The following ASAP2 variants were observed in gnomAD, a reference collection of about 807,000 sequenced individuals.
ASAP2 encodes the protein arf-GAP with SH3 domain, ANK repeat and PH domain-containing protein 2.
ASAP2 carries 45 observed loss-of-function variants against 131.4 expected under a neutral mutation model. That is an observed-to-expected ratio of 0.34 (90% CI 0.27 to 0.44). The LOEUF is 0.44. Ranked by LOEUF, ASAP2 falls within the 20% of genes least tolerant of loss-of-function variation. The probability of loss-of-function intolerance (pLI) is 1.00; values close to 1 mark genes in which losing one functional copy is unlikely to be tolerated. For synonymous variants in ASAP2, 510 were observed against 503.0 expected (o/e 1.01, Z -0.19); for missense variants, 1,011 against 1,297.0 (o/e 0.78, Z 3.39).
At chr2:9,221,704 T>G (rs536485541) in intron 1 of ASAP2, among the ~76,000 whole-genome samples, 1 of 152,366 alleles carries the variant, frequency 6.6e-6, no homozygotes, top group South Asian at 2.1e-4. Flanking sequence ...TGTATTTGTA[T>G]GTGTATTCCT....
At chr2:9,399,606 G>A in intron 24 of ASAP2, 1 of 213,242 alleles carries the variant, frequency 4.7e-6, no homozygotes, top group Admixed American at 5.2e-5. Flanking sequence ...GGCATGGACA[G>A]CGCTGACCCA....
intron 1 of ASAP2, among the ~76,000 whole-genome samples, chr2:9,270,785 A>ATTTTTTTTTTTTCTTTTTTTTTTTTTT (rs1666302601): frequency 1.9e-5 from 1 of 52,924 alleles, no homozygotes; most frequent in Non-Finnish European, 3.5e-5. Flanking sequence ...AATTGTTTTC[A>ATTTTTTTTTTTTCTTTTTTTTTTTTTT]TTTTTTTTTT....
At chr2:9,276,053 C>T (rs763350701) in intron 1 of ASAP2, among the ~76,000 whole-genome samples, 1 of 152,140 alleles carries the variant, frequency 6.6e-6, no homozygotes, top group Non-Finnish European at 1.5e-5. Context: ...CTGTTTTCAT[C>T]GTTAATTTGT....
In ASAP2 at chr2:9,393,535, G is replaced by A; in HGVS notation, c.2572G>A (p.Glu858Lys). 1 of 1,601,582 alleles carries A rather than the reference G, an allele frequency of 6.2e-7. No individual in the cohort carries two copies. The change falls in exon 24 of 28, where the codon GAA becomes AAA. Residue 858 changes from glutamate (E) to lysine (K), a missense_variant. Glu to Lys is a moderately conservative substitution (Grantham distance 56, BLOSUM62 1). This residue lies in a region of ASAP2 where 652 missense variants were observed against 698.9 expected (regional missense o/e 0.93). Transcript: ENST00000281419. ...CGTTGCCAAGACGCCCAGCGTAATG[G>A]AAGCCTTGAGCCAGCCGAGCAAGCC... Reference protein sequence around the residue: ...PPVAKTPSVMEALSQPSKPAP... With the variant: ...PPVAKTPSVMKALSQPSKPAP...
At chr2:9,293,725 G>C (rs1260871562) in intron 2 of ASAP2, among the ~76,000 whole-genome samples, 1 of 152,120 alleles carries the variant, frequency 6.6e-6, no homozygotes, top group Admixed American at 6.5e-5. Flanking sequence ...AGGAAGACAC[G>C]GGGCTTATGG....
intron 15 of ASAP2, among the ~76,000 whole-genome samples, chr2:9,367,622 G>A (rs377301065): frequency 4.6e-5 from 7 of 152,054 alleles, no homozygotes; most frequent in African/African-American, 1.4e-4. Flanking sequence ...TCAGCTGGGC[G>A]TGGTGGCGTG....
intron 1 of ASAP2, among the ~76,000 whole-genome samples, chr2:9,241,793 G>A (rs1193409473): frequency 6.6e-6 from 1 of 152,216 alleles, no homozygotes; most frequent in African/African-American, 2.4e-5. Context: ...AGGAAAGCGA[G>A]GAGAAGGAAA....
chr2:9,347,832 T>C (rs1672068791), intron 11 of ASAP2, among the ~76,000 whole-genome samples: 2 of 152,124 alleles, frequency 1.3e-5, no homozygotes, highest in African/African-American at 4.8e-5. Flanking sequence ...TTACACAATC[T>C]AAAATTTTAA....
At chr2:9,271,356 G>A (rs1390578625) in intron 1 of ASAP2, 26 of 1,199,786 alleles carry the variant, frequency 2.2e-5, no homozygotes, top group Non-Finnish European at 3.2e-5. Flanking sequence ...CATAATATAT[G>A]TTCTTGCACC....
chr2:9,290,693 C>G (rs1363376369), intron 2 of ASAP2, among the ~76,000 whole-genome samples: 1 of 152,208 alleles, frequency 6.6e-6, no homozygotes, highest in Non-Finnish European at 1.5e-5. Context: ...TTGAGCCTGG[C>G]AGGATCTCAG....
chr2:9,300,538 T>C (rs934582488), intron 3 of ASAP2, among the ~76,000 whole-genome samples: 4 of 152,264 alleles, frequency 2.6e-5, no homozygotes, highest in Admixed American at 2.6e-4. Flanking sequence ...TCCAGCTTTC[T>C]ACAGAGAGTA....
intron 1 of ASAP2, among the ~76,000 whole-genome samples, chr2:9,242,825 C>T (rs971802016): frequency 2.0e-5 from 3 of 152,114 alleles, no homozygotes; most frequent in African/African-American, 4.8e-5. Flanking sequence ...TTTGATTGTC[C>T]GATGATTGTC....
intron 11 of ASAP2, among the ~76,000 whole-genome samples, chr2:9,348,421 A>G (rs1337362382): frequency 6.6e-6 from 1 of 152,216 alleles, no homozygotes; most frequent in Non-Finnish European, 1.5e-5. Context: ...TACTGCGCCC[A>G]GGTGACACTG....
chr2:9,341,070 G>T (rs1327521372), intron 9 of ASAP2, among the ~76,000 whole-genome samples: 1 of 152,194 alleles, frequency 6.6e-6, no homozygotes, highest in South Asian at 2.1e-4. Context: ...GTACATTGGA[G>T]TCTCCAGGAA....
At chr2:9,285,295 T>C (rs982629057) in intron 2 of ASAP2, among the ~76,000 whole-genome samples, 1 of 152,170 alleles carries the variant, frequency 6.6e-6, no homozygotes, top group African/African-American at 2.4e-5. Context: ...TATTTGCTAA[T>C]TGAAAAAGCT....
At chr2:9,345,380 A>G (rs1308324409) in intron 11 of ASAP2, among the ~76,000 whole-genome samples, 4 of 152,138 alleles carry the variant, frequency 2.6e-5, no homozygotes, top group Non-Finnish European at 5.9e-5. Context: ...GGAGCCCTCT[A>G]TGTTGAGCTT....
chr2:9,375,060 A>G, intron 17 of ASAP2, 116 bp downstream of exon 17: 5 of 802,984 alleles, frequency 6.2e-6, no homozygotes, highest in Non-Finnish European at 1.8e-6. Context: ...CTTTGAGCTC[A>G]GGAGTTTGAG....
intron 2 of ASAP2, among the ~76,000 whole-genome samples, chr2:9,279,600 T>G (rs957316896): frequency 3.9e-5 from 6 of 152,202 alleles, no homozygotes; most frequent in Non-Finnish European, 8.8e-5. Context: ...TCGTCCCCTG[T>G]CATCCCCTGT....
At chr2:9,238,159 G>A (rs545693883) in intron 1 of ASAP2, among the ~76,000 whole-genome samples, 3 of 152,290 alleles carry the variant, frequency 2.0e-5, no homozygotes, top group South Asian at 4.1e-4. Flanking sequence ...ATCTTCACAC[G>A]GATGAGCTTA....
Sources: gnomAD v4.1 joint callset for allele counts (sites outside exome capture counted in the v4.1 genomes callset) on GRCh38, gnomAD v4.1.1 for gene constraint, gnomAD v4.1.1 regional missense constraint, MANE v1.5 for transcripts, NCBI Gene and HGNC (gene_info 2026-07-23, HGNC 2026-07-21) for gene names.